KDM7A: variants seen among roughly 807,000 people sequenced by gnomAD.
KDM7A encodes lysine demethylase 7A.
In KDM7A, 28 loss-of-function variants were observed where a neutral mutation model predicts 114.8. The observed-to-expected ratio is 0.24, with a 90% CI of 0.18 to 0.33. The LOEUF (loss-of-function observed/expected upper bound fraction) is 0.33, where lower values mean the gene tolerates loss of function less well. KDM7A is among the 10% of genes least tolerant of loss of function. The pLI is 1.00. For synonymous variants in KDM7A, 423 were observed against 397.8 expected, an observed-to-expected ratio of 1.06 and a Z score of -0.75; for missense variants, 942 against 1,142.5, an observed-to-expected ratio of 0.82 and a Z score of 2.53.
At position 140,091,926 on chromosome 7, in the gene KDM7A, T is replaced by C. The variant is rs1424355872; in HGVS notation, c.2609A>G (p.Gln870Arg). 1.9e-6 allele frequency: 3 copies of C among 1,613,992 alleles called. No individual in the cohort carries two copies. The highest frequency in any genetic ancestry group is 2.2e-5 in the East Asian group (1 of 44,884). Residue 870 changes from glutamine (Q) to arginine (R), a missense_variant, in exon 19 of 20, where the codon CAG becomes CGG. This residue lies in a region of KDM7A where 512 missense variants were observed against 576.6 expected (regional missense o/e 0.89). Coordinates refer to ENST00000397560, the MANE Select transcript of KDM7A (RefSeq NM_030647.2). ...QNSNLTSGAC[Q>R]ISNGSLSPER... Reference sequence around the variant, plus strand: ...TGGGCTTAGACTGCCATTACTTATCTGGCACGCCCCCGAAGTCAGGTTTGA... The same window carrying C: ...TGGGCTTAGACTGCCATTACTTATCCGGCACGCCCCCGAAGTCAGGTTTGA...
intron 1 of KDM7A, among the ~76,000 whole-genome samples, chr7:140,174,806 G>T (rs542765588): frequency 1.3e-5 from 2 of 152,170 alleles, no homozygotes; most frequent in Admixed American, 1.3e-4. Context: ...TCACCATGTT[G>T]GGGTTTCACC....
chr7:140,124,547 C>A, intron 7 of KDM7A, 74 bp downstream of exon 7: 1 of 1,031,714 alleles, frequency 9.7e-7, no homozygotes, highest in East Asian at 2.6e-5. Flanking sequence ...ATGTTAAAGC[C>A]AGAGGTTCTA....
chr7:140,114,715 G>A (rs1219818886), intron 9 of KDM7A, among the ~76,000 whole-genome samples: 1 of 151,894 alleles, frequency 6.6e-6, no homozygotes, highest in Non-Finnish European at 1.5e-5. Flanking sequence ...TCCCGTCTAG[G>A]AAGTGAGGAG....
chr7:140,167,803 CAA>C, intron 1 of KDM7A, among the ~76,000 whole-genome samples: 1 of 151,708 alleles, frequency 6.6e-6, no homozygotes, highest in Non-Finnish European at 1.5e-5. Context: ...TTTTGCATGG[CAA>C]AAAAATTACC....
intron 17 of KDM7A, among the ~76,000 whole-genome samples, chr7:140,095,118 G>A (rs980514961): frequency 2.6e-5 from 4 of 152,220 alleles, no homozygotes; most frequent in African/African-American, 9.6e-5. Flanking sequence ...AAAGTGCTGG[G>A]ATTACTGGCG....
At position 140,176,839 on chromosome 7, in the gene KDM7A, C is replaced by A; in HGVS notation, c.99G>T (p.Pro33=). 7.5e-7 allele frequency: 1 copy of A among 1,329,604 alleles called. No individual in the cohort carries two copies. The highest frequency in any genetic ancestry group is 9.8e-7 in the Non-Finnish European group (1 of 1,020,300). 82.4% of individuals were successfully genotyped at this position (1,329,604 alleles called of 1,614,324 possible). The change falls in exon 1 of 20, where the codon CCG becomes CCT. Residue 33 remains proline (P), a synonymous_variant. Transcript: ENST00000397560. The surrounding 1 kb of genome is among the most constrained non-coding windows in gnomAD (Gnocchi z 4.4). ...ACACACAGTACACGGGCGGGGGCGG[C>A]GGAGGCGCCGAGGCCCGGCCGGGAG... ...VAAPGRASAP[P]PPPPVYCVCR...
chr7:140,143,665 C>T (rs923547585), intron 1 of KDM7A, among the ~76,000 whole-genome samples: 3 of 152,222 alleles, frequency 2.0e-5, no homozygotes, highest in Admixed American at 1.3e-4. Flanking sequence ...CAAGCCTACT[C>T]TCACCTGAGA....
At chr7:140,168,054 T>C (rs1411125406) in intron 1 of KDM7A, among the ~76,000 whole-genome samples, 2 of 152,172 alleles carry the variant, frequency 1.3e-5, no homozygotes, top group Non-Finnish European at 2.9e-5. Flanking sequence ...GATTAAAACA[T>C]AGATACCATT....
At chr7:140,139,415 G>C (rs971049667) in intron 1 of KDM7A, among the ~76,000 whole-genome samples, 3 of 152,132 alleles carry the variant, frequency 2.0e-5, no homozygotes, top group Non-Finnish European at 4.4e-5. Flanking sequence ...TCTCTTAGCA[G>C]CAGTAGAGAC....
chr7:140,135,046 A>AC lies in KDM7A; in HGVS notation c.281-1391_281-1390insG, dbSNP rs1818845073. Among the ~76,000 whole-genome samples, 4 of 141,134 alleles carry AC rather than the reference A, an allele frequency of 2.8e-5. No individual in the cohort carries two copies. In the South Asian group the frequency reaches 6.8e-4, roughly 24 times the overall value. The allele number at this position is 141,134 out of a possible 152,430, so 92.6% of individuals were successfully genotyped here. Reference sequence around the variant, plus strand: ...AGAGCGTAAGTCCCATTAAAAAAAAAAAAAAACAAACTCACAAAAATTTAG... The same window carrying AC: ...AGAGCGTAAGTCCCATTAAAAAAAAACAAAAAACAAACTCACAAAAATTTAG... On this transcript the variant is annotated intron_variant, in intron 2 of 19. Coordinates refer to ENST00000397560, the MANE Select transcript of KDM7A (RefSeq NM_030647.2).
At chr7:140,139,273 G>T in intron 1 of KDM7A, 83 bp from the exon 2 acceptor site, 1 of 871,730 alleles carries the variant, frequency 1.1e-6, no homozygotes, top group Non-Finnish European at 1.9e-6. Context: ...GAATTTAGCT[G>T]AGAAATGTAC....
chr7:140,171,046 T>C (rs1794632516), intron 1 of KDM7A, among the ~76,000 whole-genome samples: 1 of 141,952 alleles, frequency 7.0e-6, no homozygotes, highest in Non-Finnish European at 1.5e-5. Context: ...GTTGGTAATG[T>C]ACTGAGACCC....
intron 1 of KDM7A, among the ~76,000 whole-genome samples, chr7:140,159,973 C>G (rs892607182): frequency 1.5e-4 from 22 of 150,532 alleles, no homozygotes; most frequent in African/African-American, 5.2e-4. Context: ...AAACCTGTAC[C>G]CTTTCTCTGT....
chr7:140,148,840 T>C (rs1794369470), intron 1 of KDM7A, among the ~76,000 whole-genome samples: 1 of 152,224 alleles, frequency 6.6e-6, no homozygotes, highest in Admixed American at 6.5e-5. Context: ...AATTAAATGG[T>C]TTCTTCATAA....
intron 10 of KDM7A, among the ~76,000 whole-genome samples, chr7:140,112,191 G>A (rs771601156): frequency 6.6e-6 from 1 of 152,222 alleles, no homozygotes; most frequent in Non-Finnish European, 1.5e-5. Context: ...TGCTCTAGCA[G>A]ATATGTAGCA....
intron 9 of KDM7A, among the ~76,000 whole-genome samples, chr7:140,117,087 GC>G (rs1362398024): frequency 6.6e-6 from 1 of 152,204 alleles, no homozygotes; most frequent in Admixed American, 6.5e-5. Context: ...GATGGCAATT[GC>G]TATAATGATC....
chr7:140,161,691 T>C (rs1230017879), intron 1 of KDM7A, among the ~76,000 whole-genome samples: 3 of 151,988 alleles, frequency 2.0e-5, no homozygotes, highest in Admixed American at 6.6e-5. Context: ...GCTACAGGCG[T>C]GTGCCACCAC....
At chr7:140,164,335 G>C (rs1431763766) in intron 1 of KDM7A, among the ~76,000 whole-genome samples, 2 of 152,210 alleles carry the variant, frequency 1.3e-5, no homozygotes, top group African/African-American at 4.8e-5. Context: ...ACACTATGGA[G>C]ATTTTAGACT....
At chr7:140,100,677 T>TATAC (rs1303207937) in intron 12 of KDM7A, among the ~76,000 whole-genome samples, 2 of 41,530 alleles carry the variant, frequency 4.8e-5, no homozygotes, top group African/African-American at 2.1e-4. Flanking sequence ...TATATATATA[T>TATAC]ATACATATAT....
Sources: allele counts gnomAD v4.1 joint callset (sites outside exome capture counted in the v4.1 genomes callset), GRCh38; gene constraint gnomAD v4.1.1; regional missense constraint gnomAD v4.1.1; non-coding constraint Gnocchi (gnomAD v3.1); transcripts MANE v1.5; gene names NCBI Gene and HGNC (gene_info 2026-07-23, HGNC 2026-07-21).